The following DOK6 variants were observed in gnomAD, a reference collection of about 807,000 sequenced individuals.
DOK6 encodes downstream of tyrosine kinase 6.
In DOK6, 22 loss-of-function variants were observed where a neutral mutation model predicts 44.0. That is an observed-to-expected ratio of 0.50 (90% CI 0.36 to 0.71). The LOEUF is 0.71. DOK6 is among the 30% of genes least tolerant of loss of function. The probability of loss-of-function intolerance (pLI) is 0.00; values close to 1 mark genes in which losing one functional copy is unlikely to be tolerated. For missense variants in DOK6, 340 were observed against 416.4 expected, an observed-to-expected ratio of 0.82 and a Z score of 1.60; for synonymous variants, 166 against 145.5, an observed-to-expected ratio of 1.14 and a Z score of -1.01.
chr18:69,771,822 T>C (rs1250324686), intron 7 of DOK6, among the ~76,000 whole-genome samples: 4 of 151,840 alleles, frequency 2.6e-5, no homozygotes, highest in Non-Finnish European at 4.4e-5. Flanking sequence ...TCCATGAAAG[T>C]AAATACCAAA....
chr18:69,469,841 C>T, intron 1 of DOK6: 1 of 221,272 alleles, frequency 4.5e-6, no homozygotes, highest in Non-Finnish European at 9.5e-6. Context: ...GCTCCTGCAG[C>T]TGCCCCTTTA....
At chr18:69,797,257 A>G (rs943331450) in intron 7 of DOK6, among the ~76,000 whole-genome samples, 1 of 152,160 alleles carries the variant, frequency 6.6e-6, no homozygotes, top group African/African-American at 2.4e-5. Flanking sequence ...ATTCTTTGAG[A>G]AGAGTTACAT....
intron 1 of DOK6, among the ~76,000 whole-genome samples, chr18:69,452,140 G>A (rs1025673089): frequency 6.6e-6 from 1 of 151,934 alleles, no homozygotes. Context: ...TTTTGGAAAG[G>A]ATCAACAAAA....
chr18:69,654,178 C>CA (rs1174853245), intron 3 of DOK6, among the ~76,000 whole-genome samples: 2 of 151,726 alleles, frequency 1.3e-5, no homozygotes, highest in Non-Finnish European at 2.9e-5. Flanking sequence ...AAGAAAAGAG[C>CA]AAAAAAATAT....
Position 69,828,629 on chromosome 18 carries a change from A to C in DOK6, c.857-12615A>C, listed in dbSNP as rs146879600. Among the ~76,000 whole-genome samples, 1,030 of 151,544 alleles carry C rather than the reference A, an allele frequency of 6.8e-3. 5 individuals are homozygous for C. Among genetic ancestry groups the C allele is most frequent in the Non-Finnish European group, 9.3e-3 (630 of 67,570 alleles). On this transcript the variant is annotated intron_variant, in intron 7 of 7. Transcript: ENST00000382713. ...ATCAAATTAAACCATCTTCAAGACA[A>C]ATCAAATTATTATAAACTACATTAT...
At chr18:69,769,109 T>C (rs1015225697) in intron 7 of DOK6, among the ~76,000 whole-genome samples, 2 of 152,034 alleles carry the variant, frequency 1.3e-5, no homozygotes, top group Admixed American at 1.3e-4. Flanking sequence ...TTTTTTGTTT[T>C]ACTATTCATA....
rs145990284 is a variant in DOK6 at position 69,638,806 on chromosome 18, C to T, written c.290-38928C>T. On this transcript the variant is annotated intron_variant, in intron 3 of 7. Transcript: ENST00000382713. ...CTGTTTAAGAAAATATGTTAATGTA[C>T]ACTGTATATAATATACTTGTTTTTA... Among the ~76,000 whole-genome samples, 237 of 152,254 alleles carry T rather than the reference C, an allele frequency of 1.6e-3. 1 individual carries two copies. The highest frequency in any genetic ancestry group is 5.2e-3 in the African/African-American group (216 of 41,536).
chr18:69,501,415 A>G (rs150262940), intron 1 of DOK6, among the ~76,000 whole-genome samples: 297 of 152,204 alleles, frequency 2.0e-3, no homozygotes, highest in African/African-American at 6.6e-3. Context: ...CAAATAATTT[A>G]TTTTCCATGG....
intron 3 of DOK6, among the ~76,000 whole-genome samples, chr18:69,630,124 T>TA (rs1984656865): frequency 6.6e-6 from 1 of 152,160 alleles, no homozygotes; most frequent in Admixed American, 6.5e-5. Context: ...TAGTTTTTTT[T>TA]AACAATGTGT....
chr18:69,505,599 G>C (rs1453413756), intron 1 of DOK6, among the ~76,000 whole-genome samples: 1 of 143,988 alleles, frequency 6.9e-6, no homozygotes, highest in African/African-American at 2.6e-5. Context: ...CCAGGTTCAA[G>C]CGATTCTCCT....
chr18:69,637,883 T>C (rs1013593440), intron 3 of DOK6, among the ~76,000 whole-genome samples: 50 of 126,670 alleles, frequency 3.9e-4, no homozygotes, highest in African/African-American at 1.4e-3. Context: ...ACTTTTAAGT[T>C]TTTTTTTTTA....
chr18:69,512,706 A>C (rs764546167), intron 1 of DOK6, among the ~76,000 whole-genome samples: 4 of 152,120 alleles, frequency 2.6e-5, no homozygotes, highest in Non-Finnish European at 4.4e-5. Flanking sequence ...GGGGGAAGGA[A>C]TCCTGAGTAT....
rs376128954 is a variant in DOK6 at position 69,757,818 on chromosome 18, G to A, written c.801G>A (p.Ala267=). The change falls in exon 7 of 8, where the codon GCG becomes GCA. Residue 267 remains alanine, a synonymous_variant. Transcript: ENST00000382713. The part of the protein sequence containing the change: ...LSKSISLPRS[A]YWHHITRQNS... ...AATCAATATCTCTTCCTCGCAGCGC[G>A]TACTGGCATCACATCACTCGTCAGA... is the stretch of plus-strand genomic sequence containing the variant. 21 of 1,613,964 alleles carry A rather than the reference G, an allele frequency of 1.3e-5. No homozygotes were observed. The highest frequency in any genetic ancestry group is 2.2e-5 in the East Asian group (1 of 44,884).
In DOK6 at chr18:69,401,078, C is replaced by A; in HGVS notation, c.-167C>A. 2 of 457,496 alleles carry A rather than the reference C, an allele frequency of 4.4e-6. No homozygotes were observed. The highest frequency in any genetic ancestry group is 8.6e-5 in the South Asian group (1 of 11,566). 28.3% of individuals were successfully genotyped at this position (457,496 alleles called of 1,614,324 possible). On this transcript the variant is annotated 5_prime_UTR_variant, in exon 1 of 8. Coordinates refer to ENST00000382713, the MANE Select transcript of DOK6 (RefSeq NM_152721.6). ...CCGTTCCCCGTCCGCGGCGGCCCTG[C>A]AGGCGACCCCGCGTCCCCACCGGCG...
intron 1 of DOK6, among the ~76,000 whole-genome samples, chr18:69,531,396 A>G (rs1981982521): frequency 6.6e-6 from 1 of 151,604 alleles, no homozygotes; most frequent in Non-Finnish European, 1.5e-5. Context: ...TTACCCAGTC[A>G]AAAATCTAGT....
At chr18:69,532,032 C>G (rs1449953413) in intron 1 of DOK6, among the ~76,000 whole-genome samples, 1 of 152,134 alleles carries the variant, frequency 6.6e-6, no homozygotes, top group Non-Finnish European at 1.5e-5. Flanking sequence ...ATTCTCTCCA[C>G]CACGTGAGGA....
chr18:69,642,743 T>C (rs898866098), intron 3 of DOK6, among the ~76,000 whole-genome samples: 5 of 152,214 alleles, frequency 3.3e-5, no homozygotes, highest in Admixed American at 3.3e-4. Flanking sequence ...TCTCACAGCC[T>C]GACACGAGAA....
chr18:69,688,141 C>A (rs1986191313), intron 4 of DOK6, among the ~76,000 whole-genome samples: 1 of 152,128 alleles, frequency 6.6e-6, no homozygotes, highest in South Asian at 2.1e-4. Context: ...GCAAAGGATA[C>A]ACCAAGCCCC....
At chr18:69,492,042 C>G (rs1028419126) in intron 1 of DOK6, among the ~76,000 whole-genome samples, 17 of 152,084 alleles carry the variant, frequency 1.1e-4, no homozygotes, top group African/African-American at 3.6e-4. Flanking sequence ...TGTCTCTTTG[C>G]AAAGCTAATT....
Sources: allele counts gnomAD v4.1 joint callset (sites outside exome capture counted in the v4.1 genomes callset), GRCh38; gene constraint gnomAD v4.1.1; transcripts MANE v1.5; gene names NCBI Gene and HGNC (gene_info 2026-07-23, HGNC 2026-07-21).